The following DNAH11 variants were observed in gnomAD, a reference collection of about 807,000 sequenced individuals.
The protein encoded by DNAH11 is dynein axonemal heavy chain 11.
A neutral mutation model predicts 526.0 loss-of-function variants in DNAH11; 442 were observed. The observed-to-expected ratio is 0.84, with a 90% confidence interval of 0.78 to 0.91. The LOEUF (loss-of-function observed/expected upper bound fraction) is 0.91, where lower values mean the gene tolerates loss of function less well. Ranked by LOEUF, DNAH11 falls within the 40% of genes least tolerant of loss-of-function variation. The pLI is 0.00. For synonymous variants in DNAH11, 2,461 were observed against 1,935.9 expected, an observed-to-expected ratio of 1.27 and a Z score of -7.12; for missense variants, 6,989 against 5,448.7, an observed-to-expected ratio of 1.28 and a Z score of -8.90.
At chr7:21,707,255 C>G (rs542103995) in intron 39 of DNAH11, among the ~76,000 whole-genome samples, 1 of 152,344 alleles carries the variant, frequency 6.6e-6, no homozygotes, top group East Asian at 1.9e-4. Flanking sequence ...CTCAGACCTA[C>G]TGAAATAGAA....
chr7:21,765,716 A>C (rs957158554), intron 55 of DNAH11, 127 bp downstream of exon 55: 1 of 1,253,032 alleles, frequency 8.0e-7, no homozygotes, highest in East Asian at 2.6e-5. Flanking sequence ...TCAGAAAGCT[A>C]TCCTGATTTG....
intron 8 of DNAH11, among the ~76,000 whole-genome samples, chr7:21,576,329 A>G (rs1784093168): frequency 6.6e-6 from 1 of 152,204 alleles, no homozygotes; most frequent in Non-Finnish European, 1.5e-5. Context: ...AACCCTTGAA[A>G]ATGTCTATTG....
At chr7:21,629,787 T>C (rs1343701696) in intron 25 of DNAH11, among the ~76,000 whole-genome samples, 1 of 152,030 alleles carries the variant, frequency 6.6e-6, no homozygotes, top group Non-Finnish European at 1.5e-5. Context: ...TTTTCCACTC[T>C]TTCACTTTCA....
chr7:21,821,260 C>G (rs1421583121), intron 65 of DNAH11, among the ~76,000 whole-genome samples: 1 of 152,090 alleles, frequency 6.6e-6, no homozygotes, highest in Non-Finnish European at 1.5e-5. Flanking sequence ...TTCTTTAACA[C>G]TCATTTCTAA....
intron 61 of DNAH11, among the ~76,000 whole-genome samples, chr7:21,798,425 G>A (rs1788814062): frequency 2.0e-5 from 3 of 152,200 alleles, no homozygotes; most frequent in African/African-American, 7.2e-5. Flanking sequence ...CTCGAAGATG[G>A]ATACTCTTAA....
Position 21,717,663 on chromosome 7 carries a change from G to A in DNAH11, c.6984-112G>A, listed in dbSNP as rs563086216. 4.3e-5 allele frequency: 54 copies of A among 1,260,578 alleles called. No individual in the cohort carries two copies. In the African/African-American group the frequency reaches 6.2e-4, roughly 14 times the overall value. The allele number at this position is 1,260,578 out of a possible 1,614,324, so 78.1% of individuals were successfully genotyped here. A position where few individuals can be genotyped will look rare whatever the true frequency, so the allele number is the denominator to read the frequency against. On this transcript the variant is annotated intron_variant, in intron 42 of 81. Transcript: ENST00000409508. ...GAAAAATAGAACGAACTCACTAAAC[G>A]TGTCCTTGAAGTGTTGCACCAAGCT...
intron 14 of DNAH11, among the ~76,000 whole-genome samples, chr7:21,593,262 G>A (rs925837585): frequency 3.3e-5 from 5 of 152,258 alleles, no homozygotes; most frequent in African/African-American, 9.6e-5. Context: ...AAATAAAGAC[G>A]GAGGCTAACC....
rs1232465635 is a variant in DNAH11, at chr7:21,899,380, C to T, written c.13094C>T (p.Thr4365Ile). The part of the protein sequence containing the change: ...LLRCRELDTW[T>I]QDLTLPAVVW... ...CGATGCCGAGAACTCGATACTTGGA[C>T]ACAAGACCTTACCCTTCCGGCTGTC... The change falls in exon 80 of 82, where the codon ACA becomes ATA. Residue 4365 changes from threonine to isoleucine, a missense_variant. Coordinates refer to ENST00000409508, the MANE Select transcript of DNAH11 (RefSeq NM_001277115.2). 1.2e-6 allele frequency: 2 copies of T among 1,613,912 alleles called. No individual in the cohort carries two copies. The highest frequency in any genetic ancestry group is 1.7e-6 in the Non-Finnish European group (2 of 1,179,890).
At chr7:21,549,497 G>C (rs533745455) in intron 2 of DNAH11, among the ~76,000 whole-genome samples, 2 of 152,232 alleles carry the variant, frequency 1.3e-5, no homozygotes, top group East Asian at 1.9e-4. Context: ...CAGGCAAATG[G>C]GGGGGTTGAG....
chr7:21,587,767 T>C (rs1205661614), intron 9 of DNAH11, among the ~76,000 whole-genome samples: 1 of 152,200 alleles, frequency 6.6e-6, no homozygotes, highest in Non-Finnish European at 1.5e-5. Flanking sequence ...CAAAGCATCT[T>C]CTAAAATGTT....
intron 65 of DNAH11, among the ~76,000 whole-genome samples, chr7:21,839,166 T>A (rs1353445295): frequency 6.6e-6 from 1 of 152,210 alleles, no homozygotes; most frequent in Non-Finnish European, 1.5e-5. Context: ...TTTAGTTCTT[T>A]TACCCATCTT....
chr7:21,707,293 A>G (rs1184857393), intron 39 of DNAH11, among the ~76,000 whole-genome samples: 1 of 152,206 alleles, frequency 6.6e-6, no homozygotes, highest in Non-Finnish European at 1.5e-5. Context: ...AGCAATCTGT[A>G]TTTTAATACC....
At chr7:21,762,114 C>G (rs1272505953) in intron 54 of DNAH11, among the ~76,000 whole-genome samples, 5 of 152,132 alleles carry the variant, frequency 3.3e-5, no homozygotes, top group African/African-American at 1.2e-4. Context: ...GGAAACCACC[C>G]CCATGCTCCA....
chr7:21,739,971 A>G (rs547673772), intron 48 of DNAH11, among the ~76,000 whole-genome samples: 5 of 152,280 alleles, frequency 3.3e-5, no homozygotes, highest in African/African-American at 7.2e-5. Flanking sequence ...ATTAGTTACA[A>G]TGATCAGCCA....
rs1786661300 is a variant in DNAH11, at chr7:21,632,461, A to G, written c.4501-3410A>G. ...TTCTGTGGTCTGCTTCCCTTATAAA[A>G]CTGAATTCCTGTAACAGCACCCAAG... is the stretch of plus-strand genomic sequence containing the variant. On this transcript the variant is annotated intron_variant, in intron 25 of 81. Transcript: ENST00000409508. Among the ~76,000 whole-genome samples, 5 of 152,156 alleles carry G rather than the reference A, an allele frequency of 3.3e-5. No individual in the cohort carries two copies. The South Asian group carries it at 1.0e-3, about 32-fold the overall frequency.
At chr7:21,834,692 A>G (rs1015062200) in intron 65 of DNAH11, among the ~76,000 whole-genome samples, 1 of 152,074 alleles carries the variant, frequency 6.6e-6, no homozygotes, top group Non-Finnish European at 1.5e-5. Context: ...AAATTATAAG[A>G]TAAATTAGCC....
Position 21,588,519 on chromosome 7 carries a change from G to A in DNAH11, c.1856G>A (p.Cys619Tyr), listed in dbSNP as rs759607757. Residue 619 changes from cysteine to tyrosine, a missense_variant, in exon 11 of 82, where the codon TGT becomes TAT. Transcript: ENST00000409508. ...LYNEHMKQIE[C>Y]GHVVLNKNMP... ...CAAAATATCAACTTGCAGATTGAAT[G>A]TGGTCATGTAGTTCTTAACAAGAAC... is the stretch of plus-strand genomic sequence containing the variant. 1 of 1,613,436 alleles carries A rather than the reference G, an allele frequency of 6.2e-7. No individual in the cohort carries two copies. The highest frequency in any genetic ancestry group is 1.1e-5 in the South Asian group (1 of 91,014).
intron 8 of DNAH11, among the ~76,000 whole-genome samples, chr7:21,575,844 T>G (rs575369290): frequency 6.6e-6 from 1 of 152,366 alleles, no homozygotes; most frequent in South Asian, 2.1e-4. Context: ...CCTTACTATA[T>G]TTTGGCAGTC....
chr7:21,703,834 T>C (rs1784154144), intron 37 of DNAH11: 1 of 152,368 alleles, frequency 6.6e-6, no homozygotes, highest in Non-Finnish European at 1.5e-5. Context: ...TTTGTACTTT[T>C]CTTTGCCAAT....
Sources: allele counts gnomAD v4.1 joint callset (sites outside exome capture counted in the v4.1 genomes callset), GRCh38; gene constraint gnomAD v4.1.1; transcripts MANE v1.5; gene names NCBI Gene and HGNC (gene_info 2026-07-23, HGNC 2026-07-21).